Variants in STAMBPL1 observed in about 807,000 individuals in gnomAD.
STAMBPL1 encodes the protein AMSH-like protease.
STAMBPL1 carries 44 observed loss-of-function variants against 52.9 expected under a neutral mutation model. The observed-to-expected ratio is 0.83, with a 90% CI of 0.65 to 1.07. STAMBPL1 has a LOEUF of 1.07. Among genes scored for constraint, STAMBPL1 ranks in the 50% least tolerant of loss-of-function variants. The probability of loss-of-function intolerance (pLI) is 0.00; values close to 1 mark genes in which losing one functional copy is unlikely to be tolerated. For synonymous variants in STAMBPL1, 164 were observed against 177.3 expected, an observed-to-expected ratio of 0.92 and a Z score of 0.60; for missense variants, 511 against 520.8, an observed-to-expected ratio of 0.98 and a Z score of 0.18.
At chr10:88,898,849 A>G (rs1449875561) in intron 1 of STAMBPL1, among the ~76,000 whole-genome samples, 1 of 152,084 alleles carries the variant, frequency 6.6e-6, no homozygotes, top group Non-Finnish European at 1.5e-5. Context: ...AGATATTTAC[A>G]TTTTCGGCCA....
chr10:88,911,258 C>T (rs560894196), intron 5 of STAMBPL1, among the ~76,000 whole-genome samples: 3 of 152,264 alleles, frequency 2.0e-5, no homozygotes, highest in African/African-American at 4.8e-5. Flanking sequence ...TTTCCTGCAG[C>T]GATTTAAGTA....
chr10:88,897,708 G>T (rs1288217572), intron 1 of STAMBPL1, among the ~76,000 whole-genome samples: 1 of 152,172 alleles, frequency 6.6e-6, no homozygotes, highest in Admixed American at 6.5e-5. Context: ...CTTGGAGGGG[G>T]CTCAGTAAAG....
In STAMBPL1 at chr10:88,903,766, C is replaced by T. The variant is rs150128690; in HGVS notation, c.31-1677C>T. ...ATTGAAAAGACTATATACTGAAGCCCGAGGCTCAAAGTTCAGAAACTCCAA... is the reference window on the plus strand; with the variant it reads ...ATTGAAAAGACTATATACTGAAGCCTGAGGCTCAAAGTTCAGAAACTCCAA... On this transcript the variant is annotated intron_variant, in intron 2 of 10. Coordinates refer to ENST00000371926, the MANE Select transcript of STAMBPL1 (RefSeq NM_020799.4). Among the ~76,000 whole-genome samples, 7 of 152,162 alleles carry T rather than the reference C, an allele frequency of 4.6e-5. No individual in the cohort carries two copies. The East Asian group carries it at 9.7e-4, about 21-fold the overall frequency.
At chr10:88,911,339 C>A (rs1365857290) in intron 5 of STAMBPL1, among the ~76,000 whole-genome samples, 1 of 152,162 alleles carries the variant, frequency 6.6e-6, no homozygotes, top group Non-Finnish European at 1.5e-5. Flanking sequence ...GATGAACAGC[C>A]AGTAGGAGGT....
chr10:88,886,530 T>A (rs959434574), intron 1 of STAMBPL1, among the ~76,000 whole-genome samples: 1 of 152,222 alleles, frequency 6.6e-6, no homozygotes, highest in Non-Finnish European at 1.5e-5. Flanking sequence ...TGGCTTTTTT[T>A]TTTAAACGGC....
intron 1 of STAMBPL1, chr10:88,901,130 T>A (rs1276263672): frequency 6.6e-6 from 1 of 152,242 alleles, no homozygotes. Flanking sequence ...TTCCATGACC[T>A]TTGCTGTCTT....
At chr10:88,911,095 A>G in intron 5 of STAMBPL1, 84 bp downstream of exon 5, 2 of 915,722 alleles carry the variant, frequency 2.2e-6, no homozygotes, top group Middle Eastern at 3.4e-4. Flanking sequence ...TGAGTTTTTC[A>G]AATGTTTTGT....
intron 8 of STAMBPL1, among the ~76,000 whole-genome samples, chr10:88,917,036 G>T (rs1404442296): frequency 6.6e-6 from 1 of 152,082 alleles, no homozygotes; most frequent in Admixed American, 6.6e-5. Flanking sequence ...TTCAGTGTTA[G>T]ACTGTGCCTA....
chr10:88,907,508 C>G (rs1468520210), intron 3 of STAMBPL1, among the ~76,000 whole-genome samples: 1 of 152,180 alleles, frequency 6.6e-6, no homozygotes, highest in East Asian at 1.9e-4. Context: ...CTGCTCTGAT[C>G]TTGCATATGT....
At chr10:88,905,407 C>G in intron 2 of STAMBPL1, 36 bp from the exon 3 acceptor site, 1 of 1,516,510 alleles carries the variant, frequency 6.6e-7, no homozygotes, top group Non-Finnish European at 9.2e-7. Context: ...TTACTATAAT[C>G]AACAGTTAAT....
Position 88,905,479 on chromosome 10 carries a change from T to C in STAMBPL1, c.67T>C (p.Ser23Pro). ...LAAMPDHTDVSLSPEERVRAL... is the reference protein window; with the variant it reads ...LAAMPDHTDVPLSPEERVRAL... ...TGCTATGCCTGACCATACAGATGTT[T>C]CCCTAAGCCCAGAAGAGCGAGTCCG... The change falls in exon 3 of 11, where the codon TCC becomes CCC. Residue 23 changes from serine to proline, a missense_variant. Physicochemically the swap from Ser to Pro is moderately conservative, Grantham distance 74 (BLOSUM62 -1). Coordinates refer to ENST00000371926, the MANE Select transcript of STAMBPL1 (RefSeq NM_020799.4). The C allele has an allele frequency of 6.2e-7, 1 of 1,614,142 alleles. No individual in the cohort carries two copies.
chr10:88,890,885 G>A (rs1005525064), intron 1 of STAMBPL1, among the ~76,000 whole-genome samples: 1 of 152,140 alleles, frequency 6.6e-6, no homozygotes, highest in Non-Finnish European at 1.5e-5. Flanking sequence ...TTGCATACTT[G>A]CTTCCTCTCT....
Position 88,913,266 on chromosome 10 carries a change from A to G in STAMBPL1, c.586A>G (p.Ser196Gly). 6.2e-7 allele frequency: 1 copy of G among 1,613,896 alleles called. No individual in the cohort carries two copies. The highest frequency in any genetic ancestry group is 8.5e-7 in the Non-Finnish European group (1 of 1,179,874). The change falls in exon 6 of 11, where the codon AGT becomes GGT. Residue 196 changes from serine to glycine, a missense_variant. Around this residue, in one of 3 missense-constraint regions of STAMBPL1, gnomAD observed 358 missense variants for 343.5 expected, o/e 1.04. Coordinates refer to ENST00000371926, the MANE Select transcript of STAMBPL1 (RefSeq NM_020799.4). ...AGAGTTAGCCCGAGGTCAAATGCGA[A>G]GTCAGCAAACCTCAGGGCTGTCAGA... ...KQELARGQMR[S>G]QQTSGLSEQI...
intron 4 of STAMBPL1, among the ~76,000 whole-genome samples, chr10:88,910,610 A>T (rs1004103973): frequency 3.9e-5 from 6 of 152,332 alleles, no homozygotes; most frequent in South Asian, 2.1e-4. Context: ...CTGCCTAAAA[A>T]TGGGGTACCA....
At position 88,922,122 on chromosome 10, in the gene STAMBPL1, C is replaced by T. The variant is rs76478980; in HGVS notation, c.1155-215C>T. 5.2e-3 allele frequency among the ~76,000 whole-genome samples: 791 copies of T among 152,176 alleles called. 3 individuals are homozygous for T. The highest frequency in any genetic ancestry group is 0.014 in the Middle Eastern group (4 of 294). On this transcript the variant is annotated intron_variant, in intron 9 of 10. Coordinates refer to ENST00000371926, the MANE Select transcript of STAMBPL1 (RefSeq NM_020799.4). Reference sequence around the variant, plus strand: ...TAGCTTATTTGCCTTGTCCCCTTAACGGTCCTGCAGGCTCTTAGCAGCAGC... The same window carrying T: ...TAGCTTATTTGCCTTGTCCCCTTAATGGTCCTGCAGGCTCTTAGCAGCAGC...
At chr10:88,905,404 A>G in intron 2 of STAMBPL1, 39 bp from the exon 3 acceptor site, 2 of 1,498,212 alleles carry the variant, frequency 1.3e-6, no homozygotes, top group Non-Finnish European at 1.9e-6. Context: ...TTCTTACTAT[A>G]ATCAACAGTT....
At chr10:88,881,407 G>A (rs937289045) in intron 1 of STAMBPL1, among the ~76,000 whole-genome samples, 1 of 152,098 alleles carries the variant, frequency 6.6e-6, no homozygotes, top group East Asian at 1.9e-4. Flanking sequence ...AAGTGCCTGG[G>A]AAGTGGGGTG....
In STAMBPL1 at chr10:88,918,281, GCA is replaced by G. The variant is rs144819228; in HGVS notation, c.1041+1487_1041+1488del. On this transcript the variant is annotated intron_variant, in intron 8 of 10. Transcript: ENST00000371926. ...GAGAAGCACTGGGGAGGAGCAGCAT[GCA>G]CACACACACACACACACACACATAC... Among the ~76,000 whole-genome samples, 656 of 146,564 alleles carry G rather than the reference GCA, an allele frequency of 4.5e-3. 9 individuals carry two copies. Among genetic ancestry groups the G allele is most frequent in the African/African-American group, 0.012 (492 of 40,146 alleles).
chr10:88,907,354 C>T (rs1293101410), intron 3 of STAMBPL1, among the ~76,000 whole-genome samples: 1 of 152,140 alleles, frequency 6.6e-6, no homozygotes, highest in Non-Finnish European at 1.5e-5. Flanking sequence ...CAACCTTCAC[C>T]CTACCTGGGA....
Sources: gnomAD v4.1 joint callset for allele counts (sites outside exome capture counted in the v4.1 genomes callset) on GRCh38, gnomAD v4.1.1 for gene constraint, gnomAD v4.1.1 regional missense constraint, MANE v1.5 for transcripts, NCBI Gene and HGNC (gene_info 2026-07-23, HGNC 2026-07-21) for gene names.